Variants in CHST15 observed in about 807,000 individuals in gnomAD.
CHST15 encodes the protein carbohydrate sulfotransferase 15.
A neutral mutation model predicts 53.6 loss-of-function variants in CHST15; 30 were observed. That is an observed-to-expected ratio of 0.56 (90% CI 0.42 to 0.76). The LOEUF is 0.76. Among genes scored for constraint, CHST15 ranks in the 30% least tolerant of loss-of-function variants. CHST15 has a pLI of 0.00. For missense variants in CHST15, 627 were observed against 740.5 expected, an observed-to-expected ratio of 0.85 and a Z score of 1.78; for synonymous variants, 296 against 289.8, an observed-to-expected ratio of 1.02 and a Z score of -0.22.
chr10:124,081,537 G>A (rs1188480807), intron 1 of CHST15, among the ~76,000 whole-genome samples: 4 of 152,166 alleles, frequency 2.6e-5, no homozygotes, highest in Non-Finnish European at 5.9e-5. Context: ...CAGAGTTTCT[G>A]CCAAGTTTAC....
At chr10:124,012,570 C>T (rs1946450371) in intron 6 of CHST15, 90 bp from the exon 7 acceptor site, 1 of 1,387,444 alleles carries the variant, frequency 7.2e-7, no homozygotes, top group Admixed American at 2.4e-5. Context: ...TTTCACTGTA[C>T]CACAAAAGAG....
At chr10:124,062,518 G>A (rs749680068) in intron 1 of CHST15, among the ~76,000 whole-genome samples, 6 of 152,044 alleles carry the variant, frequency 3.9e-5, no homozygotes, top group Non-Finnish European at 7.4e-5. Context: ...CGGCAGTACC[G>A]ACCCCATGGA....
At chr10:124,012,298 G>A (rs750119683) in intron 7 of CHST15, 35 bp downstream of exon 7, 1 of 1,596,930 alleles carries the variant, frequency 6.3e-7, no homozygotes, top group South Asian at 1.1e-5. Flanking sequence ...CGGAGCTCAT[G>A]CTTTGGCCCG....
chr10:124,052,757 C>T (rs180867877), intron 1 of CHST15, among the ~76,000 whole-genome samples: 1 of 152,298 alleles, frequency 6.6e-6, no homozygotes, highest in Non-Finnish European at 1.5e-5. Context: ...CTAGCCCGGC[C>T]GGGCGCGGTG....
chr10:124,050,941 A>G (rs529256329), intron 1 of CHST15, among the ~76,000 whole-genome samples: 15 of 152,132 alleles, frequency 9.9e-5, no homozygotes, highest in South Asian at 4.2e-4. Flanking sequence ...AAGGCATACT[A>G]CATATTCTTT....
chr10:124,020,834 A>C, intron 6 of CHST15: 1 of 1,213,830 alleles, frequency 8.2e-7, no homozygotes, highest in Non-Finnish European at 1.0e-6. Context: ...TTCAATTGAG[A>C]CTCTGTCAAA....
At chr10:124,028,712 A>G (rs1947105542) in intron 5 of CHST15, among the ~76,000 whole-genome samples, 1 of 152,328 alleles carries the variant, frequency 6.6e-6, no homozygotes. Context: ...AGACAAGGGC[A>G]GGCGCTTGGT....
intron 1 of CHST15, among the ~76,000 whole-genome samples, chr10:124,088,015 G>A (rs913098825): frequency 9.9e-5 from 15 of 152,230 alleles, no homozygotes; most frequent in Non-Finnish European, 1.9e-4. Context: ...AGGGGCTCCT[G>A]CCTATATCCT....
chr10:124,049,117 T>G (rs538194195), intron 1 of CHST15, among the ~76,000 whole-genome samples: 1 of 152,336 alleles, frequency 6.6e-6, no homozygotes, highest in Admixed American at 6.5e-5. Flanking sequence ...TAGCATTCTT[T>G]CATTCATTCA....
rs1182908390 is a variant in CHST15, at chr10:124,008,809, A to G, written c.*1340T>C. ...AATACTTGAGTGCAAAGCTTCATCC[A>G]GGTCCCACCTGGGCTGTTGCCAAGG... On this transcript the variant is annotated 3_prime_UTR_variant, in exon 8 of 8. Transcript: ENST00000435907. 2 of 1,203,614 alleles carry G rather than the reference A, an allele frequency of 1.7e-6. No individual in the cohort carries two copies. Among genetic ancestry groups the G allele is most frequent in the Non-Finnish European group, 2.1e-6 (2 of 942,366 alleles). The allele number at this position is 1,203,614 out of a possible 1,614,324, so 74.6% of individuals were successfully genotyped here.
chr10:124,018,938 T>C (rs182468187), intron 6 of CHST15, among the ~76,000 whole-genome samples: 26 of 152,200 alleles, frequency 1.7e-4, no homozygotes, highest in East Asian at 1.9e-4. Context: ...TCAGGCATGG[T>C]AGGATGATGG....
chr10:124,084,018 G>A (rs745666608), intron 1 of CHST15, among the ~76,000 whole-genome samples: 1 of 152,202 alleles, frequency 6.6e-6, no homozygotes, highest in Admixed American at 6.5e-5. Flanking sequence ...TTCAGAGAGG[G>A]TGCCTAGGCA....
chr10:124,044,552 GAC>G, intron 3 of CHST15, 26 bp downstream of exon 3: 1 of 1,462,812 alleles, frequency 6.8e-7, no homozygotes. Flanking sequence ...AACGAGACCA[GAC>G]AGGAGCCCTG....
chr10:124,066,228 T>A (rs926294443), intron 1 of CHST15, among the ~76,000 whole-genome samples: 2 of 151,790 alleles, frequency 1.3e-5, no homozygotes, highest in Non-Finnish European at 2.9e-5. Flanking sequence ...AGTTACAGAG[T>A]GTTGGGCTAG....
At chr10:124,043,832 C>G (rs1947831138) in intron 3 of CHST15, among the ~76,000 whole-genome samples, 1 of 152,240 alleles carries the variant, frequency 6.6e-6, no homozygotes, top group South Asian at 2.1e-4. Context: ...TCAGTCTCCC[C>G]CAGGTGCAGT....
intron 1 of CHST15, among the ~76,000 whole-genome samples, chr10:124,052,971 T>C (rs1948253571): frequency 6.6e-6 from 1 of 152,076 alleles, no homozygotes; most frequent in South Asian, 2.1e-4. Context: ...AGGCAGAGGT[T>C]GCAGTGAGCC....
At chr10:124,087,654 G>C (rs1396235752) in intron 1 of CHST15, among the ~76,000 whole-genome samples, 1 of 152,218 alleles carries the variant, frequency 6.6e-6, no homozygotes, top group Non-Finnish European at 1.5e-5. Flanking sequence ...GCCACGATAA[G>C]TTCTAGAAAT....
Position 124,021,414 on chromosome 10 carries a change from T to C in CHST15, c.1191-2A>G. ...AAGTAGAGATAGTCTGAGTACAACC[T>C]GTGAATAAAATAAATGCATATTTTT... On this transcript the variant is annotated splice_acceptor_variant, in intron 5 of 7. Transcript: ENST00000435907. LOFTEE classifies it high-confidence loss of function. The C allele has an allele frequency of 6.2e-7, 1 of 1,605,758 alleles. No homozygotes were observed. The highest frequency in any genetic ancestry group is 8.5e-7 in the Non-Finnish European group (1 of 1,173,674).
At chr10:124,093,090 C>T (rs1949654250) in intron 1 of CHST15, among the ~76,000 whole-genome samples, 1 of 152,192 alleles carries the variant, frequency 6.6e-6, no homozygotes, top group Admixed American at 6.5e-5. Flanking sequence ...CCGCGGGGTC[C>T]TCAAGCGCGC....
Sources: gnomAD v4.1 joint callset for allele counts (sites outside exome capture counted in the v4.1 genomes callset) on GRCh38, gnomAD v4.1.1 for gene constraint, MANE v1.5 for transcripts, NCBI Gene and HGNC (gene_info 2026-07-23, HGNC 2026-07-21) for gene names.